The following FRMPD4 variants were observed in gnomAD, a reference collection of about 807,000 sequenced individuals.
The protein encoded by FRMPD4 is FERM and PDZ domain containing 4, also known as FERM and PDZ domain-containing protein 4.
Under a neutral mutation model 94.1 loss-of-function variants are expected in FRMPD4, and 22 were observed. The observed-to-expected ratio is 0.23, with a 90% CI of 0.17 to 0.33. FRMPD4 has a LOEUF of 0.33. Among genes scored for constraint, FRMPD4 ranks in the 10% least tolerant of loss-of-function variants. FRMPD4 has a pLI of 1.00. For synonymous variants in FRMPD4, 631 were observed against 548.6 expected (o/e 1.15, Z -2.10); for missense variants, 1,111 against 1,339.9 (o/e 0.83, Z 2.67).
At chrX:12,132,029 T>A (rs1009250833) in intron 3 of FRMPD4, among the ~76,000 whole-genome samples, 2 of 111,446 alleles carry the variant, frequency 1.8e-5, no homozygotes, top group Admixed American at 9.5e-5. Context: ...TATTAACACA[T>A]GCACACAAGG....
In FRMPD4 at chrX:12,067,036, G is replaced by GT. The variant is rs751444352; in HGVS notation, c.95+189026dup. Among the ~76,000 whole-genome samples the GT allele has an allele frequency of 2.3e-4, 25 of 108,624 alleles. 1 individual carries two copies. Among genetic ancestry groups the GT allele is most frequent in the African/African-American group, 5.4e-4 (16 of 29,873 alleles). The allele number at this position is 108,624 out of a possible 115,157, so 94.3% of individuals were successfully genotyped here. On this transcript the variant is annotated intron_variant, in intron 3 of 18. Coordinates refer to the FRMPD4 transcript ENST00000640291. ...AAGCGTGCACCACCATGCCCAGCTA[G>GT]TTTTTTTTGTATTTTTAGTGAGACG...
chrX:12,397,994 G>C (rs2056564909), intron 1 of FRMPD4, among the ~76,000 whole-genome samples: 1 of 111,353 alleles, frequency 9.0e-6, no homozygotes, highest in Non-Finnish European at 1.9e-5. Context: ...AGAGCCCCTA[G>C]AGCCATCATT....
intron 2 of FRMPD4, among the ~76,000 whole-genome samples, chrX:12,599,857 A>T (rs1439131670): frequency 1.8e-5 from 2 of 111,735 alleles, no homozygotes; most frequent in Non-Finnish European, 3.8e-5. Context: ...GTATTAATTT[A>T]TTCATAATTT....
intron 1 of FRMPD4, among the ~76,000 whole-genome samples, chrX:12,489,653 T>C (rs1417921877): frequency 8.9e-6 from 1 of 112,357 alleles, no homozygotes; most frequent in East Asian, 2.8e-4. Context: ...TGGTGGGTCC[T>C]GAGAGCAATA....
intron 1 of FRMPD4, among the ~76,000 whole-genome samples, chrX:12,250,044 CTCTCTGTG>C (rs869035667): frequency 2.8e-5 from 2 of 71,594 alleles, no homozygotes; most frequent in African/African-American, 6.1e-5. Context: ...CTCTCTCTCT[CTCTCTGTG>C]TGTGTGTGTG....
chrX:12,104,074 G>A (rs913673466), intron 3 of FRMPD4, among the ~76,000 whole-genome samples: 12 of 112,263 alleles, frequency 1.1e-4, no homozygotes, highest in Admixed American at 1.0e-3. Context: ...AAGCAAGACA[G>A]AGAAAAAATG....
chrX:12,332,366 T>C (rs183387128), intron 1 of FRMPD4, among the ~76,000 whole-genome samples: 2,101 of 107,077 alleles, frequency 0.02, 40 homozygotes, highest in African/African-American at 0.061. Context: ...AAAACTTTTA[T>C]TGGGGAAAAG....
chrX:12,573,153 TTTGAG>T (rs1388958943), intron 2 of FRMPD4, among the ~76,000 whole-genome samples: 1 of 111,932 alleles, frequency 8.9e-6, no homozygotes, highest in Non-Finnish European at 1.9e-5. Flanking sequence ...ATAGTCATTT[TTTGAG>T]TTGATGTATC....
At chrX:12,115,065 CAG>C (rs1260448837) in intron 3 of FRMPD4, among the ~76,000 whole-genome samples, 1 of 111,987 alleles carries the variant, frequency 8.9e-6, no homozygotes, top group Non-Finnish European at 1.9e-5. Flanking sequence ...AGATTCCTAA[CAG>C]GGGTAGACCA....
intron 3 of FRMPD4, among the ~76,000 whole-genome samples, chrX:12,106,421 T>C (rs2147515666): frequency 9.1e-6 from 1 of 110,189 alleles, no homozygotes; most frequent in Admixed American, 9.6e-5. Flanking sequence ...AGGGTATTAA[T>C]GGGTTCCAAG....
At chrX:11,973,289 A>G (rs747389021) in intron 3 of FRMPD4, among the ~76,000 whole-genome samples, 153 of 112,601 alleles carry the variant, frequency 1.4e-3, no homozygotes, top group Non-Finnish European at 2.5e-3. Context: ...AACGTGTTAT[A>G]AAATGCTGTG....
At chrX:12,718,936 G>GATC in intron 16 of FRMPD4, 146 bp downstream of exon 16, 1 of 423,086 alleles carries the variant, frequency 2.4e-6, no homozygotes, top group African/African-American at 2.5e-5. Flanking sequence ...ACCAATCATT[G>GATC]ATCCCCTGGT....
intron 3 of FRMPD4, among the ~76,000 whole-genome samples, chrX:12,071,672 C>G (rs1396138122): frequency 9.0e-6 from 1 of 111,413 alleles, no homozygotes; most frequent in Non-Finnish European, 1.9e-5. Context: ...CCGCTTGTCT[C>G]CTTGTTATTG....
intron 1 of FRMPD4, among the ~76,000 whole-genome samples, chrX:12,260,662 G>T (rs775464353): frequency 8.9e-6 from 1 of 112,232 alleles, no homozygotes; most frequent in South Asian, 3.7e-4. Flanking sequence ...GTGACTTCCT[G>T]TTATGTACCG....
intron 3 of FRMPD4, among the ~76,000 whole-genome samples, chrX:12,009,247 A>G (rs1011012083): frequency 2.4e-4 from 27 of 112,642 alleles, no homozygotes; most frequent in African/African-American, 8.7e-4. Flanking sequence ...ATATGTCAAA[A>G]TGTCAAGTTG....
Position 11,920,468 on chromosome X carries a change from T to C in FRMPD4, c.95+42450T>C, listed in dbSNP as rs1346948805. On this transcript the variant is annotated intron_variant, in intron 3 of 18. Coordinates refer to the FRMPD4 transcript ENST00000640291. ...CTGTACGGTCATTAGTCCTGTAAGA[T>C]GTGCCGACTTGAAATAATGATTTTT... Among the ~76,000 whole-genome samples, 158 of 112,040 alleles carry C rather than the reference T, an allele frequency of 1.4e-3. No individual in the cohort carries two copies. The Admixed American group carries it at 0.015, about 10-fold the overall frequency.
chrX:12,154,794 T>G (rs1287919135), intron 1 of FRMPD4, among the ~76,000 whole-genome samples: 2 of 112,663 alleles, frequency 1.8e-5, no homozygotes, highest in South Asian at 3.7e-4. Context: ...TTCGGCTTCA[T>G]GGACTCAGTG....
At chrX:12,115,342 T>A (rs1028786423) in intron 3 of FRMPD4, among the ~76,000 whole-genome samples, 1 of 111,672 alleles carries the variant, frequency 9.0e-6, no homozygotes, top group African/African-American at 3.3e-5. Flanking sequence ...CATGCTTGGC[T>A]AAGTTTTTTA....
intron 1 of FRMPD4, among the ~76,000 whole-genome samples, chrX:12,395,543 ATT>A (rs1253163920): frequency 9.0e-6 from 1 of 111,288 alleles, no homozygotes; most frequent in Non-Finnish European, 1.9e-5. Flanking sequence ...ATTTTCATCT[ATT>A]CTCTCTTATT....
Sources: gnomAD v4.1 joint callset for allele counts (sites outside exome capture counted in the v4.1 genomes callset) on GRCh38, gnomAD v4.1.1 for gene constraint, MANE v1.5 for transcripts, NCBI Gene and HGNC (gene_info 2026-07-23, HGNC 2026-07-21) for gene names.